The following DSCC1 variants were observed in gnomAD, a reference collection of about 807,000 sequenced individuals.
DSCC1 encodes DNA replication and sister chromatid cohesion 1.
DSCC1 carries 32 observed loss-of-function variants against 48.2 expected under a neutral mutation model. The ratio of observed to expected loss-of-function variants is 0.66; its 90% CI spans 0.50 to 0.89. The LOEUF is 0.89. DSCC1 is among the 40% of genes least tolerant of loss of function. The pLI is 0.00. For synonymous variants in DSCC1, 150 were observed against 171.5 expected, an observed-to-expected ratio of 0.87 and a Z score of 0.98; for missense variants, 421 against 471.7, an observed-to-expected ratio of 0.89 and a Z score of 1.00.
chr8:119,842,008 C>T (rs941085940), intron 6 of DSCC1, 60 bp from the exon 7 acceptor site: 2 of 1,536,368 alleles, frequency 1.3e-6, no homozygotes. Context: ...ATTATACTAA[C>T]ATTTCCTTTT....
rs1363780415 is a variant in DSCC1 at position 119,855,725 on chromosome 8, G to C, written c.71C>G (p.Pro24Arg). The C allele has an allele frequency of 1.3e-6, 2 of 1,572,640 alleles. No homozygotes were observed. Among genetic ancestry groups the C allele is most frequent in the South Asian group, 1.2e-5 (1 of 86,114 alleles). ...GCCGAAGCCCAGGCAGTGCACCGCC[G>C]GCAGCAGCTCGGCCGCATTCAGCTT... The part of the protein sequence containing the change: ...IAKLNAAELL[P>R]AVHCLGFGPG... The change falls in exon 1 of 9, where the codon CCG (proline) becomes CGG (arginine). Residue 24 changes from proline to arginine, a missense_variant. By Grantham distance (103) the Pro-to-Arg change is moderately radical. Transcript: ENST00000313655.
intron 8 of DSCC1, 148 bp downstream of exon 8, chr8:119,838,111 G>A: frequency 1.3e-6 from 1 of 782,548 alleles, no homozygotes; most frequent in South Asian, 2.7e-5. Context: ...GGAGGACAGA[G>A]AAGACAGCCA....
intron 3 of DSCC1, among the ~76,000 whole-genome samples, chr8:119,848,399 A>G (rs570368622): frequency 2.6e-5 from 4 of 152,388 alleles, no homozygotes; most frequent in South Asian, 2.1e-4. Context: ...TGGACTATCT[A>G]AAGAATTCGC....
At chr8:119,842,067 A>G in intron 6 of DSCC1, 119 bp from the exon 7 acceptor site, 5 of 1,175,188 alleles carry the variant, frequency 4.3e-6, no homozygotes, top group Non-Finnish European at 5.8e-6. Flanking sequence ...CTCACTTCCG[A>G]CAACCCCATA....
intron 3 of DSCC1, among the ~76,000 whole-genome samples, chr8:119,849,445 A>G (rs115130568): frequency 0.012 from 1,862 of 152,298 alleles, 38 homozygotes; most frequent in African/African-American, 0.042. Context: ...ATGCTACAAC[A>G]TAAATGAACC....
intron 3 of DSCC1, among the ~76,000 whole-genome samples, chr8:119,848,807 C>T (rs550451881): frequency 6.6e-5 from 10 of 152,148 alleles, no homozygotes; most frequent in South Asian, 6.2e-4. Context: ...TAAAACACTG[C>T]AGCCGGGCAT....
At position 119,842,066 on chromosome 8, in the gene DSCC1, G is replaced by A. The variant is rs148576542; in HGVS notation, c.770-118C>T. 582 of 1,175,212 alleles carry A rather than the reference G, an allele frequency of 5.0e-4. 4 individuals are homozygous for A. The African/African-American group carries it at 5.0e-3, about 10-fold the overall frequency. 72.8% of individuals were successfully genotyped at this position (1,175,212 alleles called of 1,614,324 possible). A position where few individuals can be genotyped will look rare whatever the true frequency, so the allele number is the denominator to read the frequency against. Reference sequence around the variant, plus strand: ...GAATTATACACCTAAACTCACTTCCGACAACCCCATAGTTCGTTTTTTTTT... The same window carrying A: ...GAATTATACACCTAAACTCACTTCCAACAACCCCATAGTTCGTTTTTTTTT... On this transcript the variant is annotated intron_variant, in intron 6 of 8. Coordinates refer to ENST00000313655, the MANE Select transcript of DSCC1 (RefSeq NM_024094.3).
chr8:119,838,466 C>T, intron 7 of DSCC1, 59 bp from the exon 8 acceptor site: 1 of 1,454,924 alleles, frequency 6.9e-7, no homozygotes, highest in Non-Finnish European at 9.1e-7. Context: ...TTAAACATGA[C>T]TCATTCTTTT....
chr8:119,848,946 A>G (rs544294107), intron 3 of DSCC1, among the ~76,000 whole-genome samples: 4 of 152,046 alleles, frequency 2.6e-5, no homozygotes, highest in African/African-American at 9.6e-5. Context: ...GCACTTTGGG[A>G]GGCCGAGGCG....
In DSCC1 at chr8:119,847,088, A is replaced by C. The variant is rs1826868264; in HGVS notation, c.487-8T>G. On this transcript the variant is annotated splice_region_variant and splice_polypyrimidine_tract_variant and intron_variant, in intron 3 of 8. Coordinates refer to ENST00000313655, the MANE Select transcript of DSCC1 (RefSeq NM_024094.3). Reference sequence around the variant, plus strand: ...CAAATCTTCAGTTGTATACTGCAAAAAGAAAAAAATATTTTAAGGCCTTTG... The same window carrying C: ...CAAATCTTCAGTTGTATACTGCAAACAGAAAAAAATATTTTAAGGCCTTTG... The C allele has an allele frequency of 1.9e-6, 3 of 1,609,882 alleles. No homozygotes were observed. The highest frequency in any genetic ancestry group is 3.3e-5 in the Admixed American group (2 of 59,854).
rs1424896246 is a variant in DSCC1, at chr8:119,841,827, A to T, written c.891T>A (p.Pro297=). Reference sequence around the variant, plus strand: ...GATCAAGACTAGTTACCATTCCTTCAGGAACACTCTGCTGCCACACTTCTT... The same window carrying T: ...GATCAAGACTAGTTACCATTCCTTCTGGAACACTCTGCTGCCACACTTCTT... ...EFQEVWQQSV[P]EGMVTSLDQL... The change falls in exon 7 of 9, where the codon CCT becomes CCA. Residue 297 remains proline, a synonymous_variant. Coordinates refer to ENST00000313655, the MANE Select transcript of DSCC1 (RefSeq NM_024094.3). 6.2e-7 allele frequency: 1 copy of T among 1,614,076 alleles called. No individual in the cohort carries two copies. Among genetic ancestry groups the T allele is most frequent in the South Asian group, 1.1e-5 (1 of 91,050 alleles).
intron 8 of DSCC1, among the ~76,000 whole-genome samples, chr8:119,835,335 T>C (rs1826663770): frequency 1.3e-5 from 2 of 152,052 alleles, no homozygotes; most frequent in African/African-American, 2.4e-5. Flanking sequence ...TGAAACCCTG[T>C]CTCTATTAAA....
intron 2 of DSCC1, among the ~76,000 whole-genome samples, chr8:119,852,183 A>G (rs1826950708): frequency 6.6e-6 from 1 of 152,162 alleles, no homozygotes; most frequent in Non-Finnish European, 1.5e-5. Flanking sequence ...GGATTGTTAT[A>G]TATGTAAGAA....
In DSCC1 at chr8:119,834,305, G is replaced by C. The variant is rs183823517; in HGVS notation, c.*588C>G. ...TTTCGAGTGAGCATTGCCTGTGCCAGTATTCTTCATTATAGGATTATAAAC... is the reference window on the plus strand; with the variant it reads ...TTTCGAGTGAGCATTGCCTGTGCCACTATTCTTCATTATAGGATTATAAAC... On this transcript the variant is annotated 3_prime_UTR_variant, in exon 9 of 9. Transcript: ENST00000313655. The C allele has an allele frequency of 2.0e-5, 3 of 152,422 alleles. No homozygotes were observed. Among genetic ancestry groups the C allele is most frequent in the Non-Finnish European group, 2.9e-5 (2 of 68,112 alleles). The allele number at this position is 152,422 out of a possible 1,614,324, so 9.4% of individuals were successfully genotyped here. A position where few individuals can be genotyped will look rare whatever the true frequency, so the allele number is the denominator to read the frequency against.
chr8:119,842,710 A>G, intron 6 of DSCC1, 66 bp downstream of exon 6: 1 of 1,446,174 alleles, frequency 6.9e-7, no homozygotes, highest in Non-Finnish European at 9.7e-7. Context: ...TAACACCGAC[A>G]GGCTTTAGAA....
Position 119,844,582 on chromosome 8 carries a change from CTT to C in DSCC1, c.578-837_578-836del, listed in dbSNP as rs796462086. 3.8e-4 allele frequency among the ~76,000 whole-genome samples: 54 copies of C among 143,974 alleles called. 1 individual carries two copies. Among genetic ancestry groups the C allele is most frequent in the African/African-American group, 1.3e-3 (52 of 39,558 alleles). 94.5% of individuals were successfully genotyped at this position (143,974 alleles called of 152,430 possible). A position where few individuals can be genotyped will look rare whatever the true frequency, so the allele number is the denominator to read the frequency against. Reference sequence around the variant, plus strand: ...ATGACTAGCTTTTCTCAAGTGCTTTCTTTTTTTTTTTTTCTTAGAGATGGGGT... The same window carrying C: ...ATGACTAGCTTTTCTCAAGTGCTTTCTTTTTTTTTTTCTTAGAGATGGGGT... On this transcript the variant is annotated intron_variant, in intron 4 of 8. Transcript: ENST00000313655.
chr8:119,855,535 T>C (rs1260992325), intron 1 of DSCC1, 79 bp downstream of exon 1: 1 of 1,482,988 alleles, frequency 6.7e-7, no homozygotes, highest in Non-Finnish European at 8.9e-7. Flanking sequence ...TCTGGCCCTG[T>C]TTTCTTATCC....
chr8:119,843,655 C>G lies in DSCC1; in HGVS notation c.670G>C (p.Val224Leu). 1 of 1,614,046 alleles carries G rather than the reference C, an allele frequency of 6.2e-7. No homozygotes were observed. The highest frequency in any genetic ancestry group is 8.5e-7 in the Non-Finnish European group (1 of 1,180,028). Residue 224 changes from valine to leucine, a missense_variant, in exon 5 of 9, where the codon GTT (valine) becomes CTT (leucine). By Grantham distance (32) the Val-to-Leu change is conservative (BLOSUM62 1). Around this residue, in one of 3 missense-constraint regions of DSCC1, gnomAD observed 238 missense variants for 259.0 expected, o/e 0.92. Transcript: ENST00000313655. ...TCCTGAAGGCATGTGTTCAAAGGAA[C>G]TTTACCAAAAGACCATGATTCAGAA... ...VDSESWSFGK[V>L]PLNTCLQELG...
intron 6 of DSCC1, among the ~76,000 whole-genome samples, chr8:119,842,557 AT>A (rs1239770482): frequency 1.3e-5 from 2 of 150,018 alleles, no homozygotes; most frequent in Non-Finnish European, 3.0e-5. Context: ...TAATTTTTGG[AT>A]TTTTTTTTGT....
Sources: gnomAD v4.1 joint callset for allele counts (sites outside exome capture counted in the v4.1 genomes callset) on GRCh38, gnomAD v4.1.1 for gene constraint, gnomAD v4.1.1 regional missense constraint, MANE v1.5 for transcripts, NCBI Gene and HGNC (gene_info 2026-07-23, HGNC 2026-07-21) for gene names.